MAF: variants seen among roughly 807,000 people sequenced by gnomAD.
MAF encodes transcription factor Maf.
In MAF, 10 loss-of-function variants were observed where a neutral mutation model predicts 22.0. That is an observed-to-expected ratio of 0.45 (90% CI 0.28 to 0.77). The LOEUF is 0.77. Ranked by LOEUF, MAF falls within the 30% of genes least tolerant of loss-of-function variation. The pLI, the probability that MAF is intolerant of heterozygous loss-of-function variation, is 0.12. For synonymous variants in MAF, 337 were observed against 255.8 expected (o/e 1.32, Z -3.03); for missense variants, 544 against 548.4 (o/e 0.99, Z 0.08).
the MAF span, among the ~76,000 whole-genome samples, chr16:79,328,441 C>T: frequency 1.5e-4 from 23 of 152,116 alleles, no homozygotes; most frequent in African/African-American, 4.3e-4. Context: ...CCCACAGGTT[C>T]CTGGGAAACA....
the MAF span, among the ~76,000 whole-genome samples, chr16:79,545,013 G>T: frequency 6.6e-6 from 1 of 152,048 alleles, no homozygotes; most frequent in Admixed American, 6.6e-5. Flanking sequence ...CTTGGGTCAG[G>T]GACCACTGGC....
chr16:79,339,169 A>G, the MAF span, among the ~76,000 whole-genome samples: 3 of 152,028 alleles, frequency 2.0e-5, no homozygotes, highest in African/African-American at 7.2e-5. Flanking sequence ...TCCCGGGTTC[A>G]CGCCATTCTC....
the MAF span, among the ~76,000 whole-genome samples, chr16:79,460,684 T>C: frequency 1.3e-5 from 2 of 152,182 alleles, no homozygotes; most frequent in Non-Finnish European, 2.9e-5. Flanking sequence ...ATCTACAGTT[T>C]AATTGGGGTA....
At chr16:79,495,296 TA>T in the MAF span, among the ~76,000 whole-genome samples, 2 of 151,948 alleles carry the variant, frequency 1.3e-5, no homozygotes, top group Non-Finnish European at 2.9e-5. Context: ...ACCCCATCCC[TA>T]AAAAAACATT....
chr16:79,299,835 A>T, the MAF span, among the ~76,000 whole-genome samples: 1 of 152,088 alleles, frequency 6.6e-6, no homozygotes, highest in Non-Finnish European at 1.5e-5. Context: ...GTTGAATATG[A>T]TTATTTAAAA....
chr16:79,600,427 CG>C lies in MAF; in HGVS notation c.-526del. On this transcript the variant is annotated 5_prime_UTR_variant, in exon 1 of 2. Transcript: ENST00000326043. ...TGTCCGGGCGGCGCGGGCCTTGGCACGGGGGAGTTAACACTTCATGCTTCTC... is the reference window on the plus strand; with the variant it reads ...TGTCCGGGCGGCGCGGGCCTTGGCACGGGGAGTTAACACTTCATGCTTCTC... The C allele has an allele frequency of 1.5e-5, 3 of 196,886 alleles. No homozygotes were observed. 12.2% of individuals were successfully genotyped at this position (196,886 alleles called of 1,614,324 possible).
At chr16:79,509,353 C>A in the MAF span, among the ~76,000 whole-genome samples, 1 of 152,218 alleles carries the variant, frequency 6.6e-6, no homozygotes, top group Non-Finnish European at 1.5e-5. Context: ...AAGGAAGCCA[C>A]AAGAAGCGGG....
chr16:79,264,783 C>T, the MAF span, among the ~76,000 whole-genome samples: 1 of 152,176 alleles, frequency 6.6e-6, no homozygotes, highest in Admixed American at 6.5e-5. Context: ...CTCACCCCAC[C>T]AGTTTCCCAT....
chr16:79,443,623 A>G, the MAF span, among the ~76,000 whole-genome samples: 1 of 152,250 alleles, frequency 6.6e-6, no homozygotes, highest in Non-Finnish European at 1.5e-5. Context: ...AAATCCTAAC[A>G]AAATAATATC....
the MAF span, chr16:79,211,756 A>G: frequency 2.5e-6 from 4 of 1,614,076 alleles, no homozygotes; most frequent in South Asian, 1.1e-5. Context: ...GCGCTCAGCG[A>G]GAGGCTGATC....
At chr16:79,494,509 A>G in the MAF span, among the ~76,000 whole-genome samples, 142 of 152,100 alleles carry the variant, frequency 9.3e-4, no homozygotes, top group Non-Finnish European at 1.6e-3. Flanking sequence ...ACTTTTAAAG[A>G]CTCATGTGAT....
At chr16:79,379,401 G>A in the MAF span, among the ~76,000 whole-genome samples, 2 of 152,158 alleles carry the variant, frequency 1.3e-5, no homozygotes, top group African/African-American at 4.8e-5. Flanking sequence ...GTATGCATGA[G>A]TTGCCAATGT....
At chr16:79,350,509 AG>A in the MAF span, among the ~76,000 whole-genome samples, 1 of 152,136 alleles carries the variant, frequency 6.6e-6, no homozygotes, top group East Asian at 1.9e-4. Context: ...ACCCTTTTCC[AG>A]CCCCCTTTGC....
the MAF span, among the ~76,000 whole-genome samples, chr16:79,369,641 G>T: frequency 1.3e-5 from 2 of 152,194 alleles, no homozygotes; most frequent in African/African-American, 4.8e-5. Context: ...AGCAACTTTG[G>T]GGGAATTGTG....
At chr16:79,361,422 C>A in the MAF span, among the ~76,000 whole-genome samples, 1 of 152,114 alleles carries the variant, frequency 6.6e-6, no homozygotes, top group Admixed American at 6.6e-5. Context: ...CTTATAGGGG[C>A]CTAAGGAGGC....
chr16:79,479,521 G>C, the MAF span, among the ~76,000 whole-genome samples: 1 of 152,214 alleles, frequency 6.6e-6, no homozygotes, highest in Non-Finnish European at 1.5e-5. Flanking sequence ...ATCACTGCAA[G>C]CTTCGATAAC....
At chr16:79,472,278 A>C in the MAF span, among the ~76,000 whole-genome samples, 67 of 152,330 alleles carry the variant, frequency 4.4e-4, no homozygotes, top group African/African-American at 1.5e-3. Flanking sequence ...AATCTACCCA[A>C]GAGAAATGAA....
At chr16:79,498,612 T>TA in the MAF span, among the ~76,000 whole-genome samples, 1 of 152,182 alleles carries the variant, frequency 6.6e-6, no homozygotes, top group African/African-American at 2.4e-5. Flanking sequence ...AGATGGAGGC[T>TA]ATTAGTACGC....
At chr16:79,271,997 A>G in the MAF span, among the ~76,000 whole-genome samples, 1 of 152,156 alleles carries the variant, frequency 6.6e-6, no homozygotes, top group East Asian at 1.9e-4. Context: ...TGGCCTCCAA[A>G]TTCTCCAAAT....
Sources: allele counts gnomAD v4.1 joint callset (sites outside exome capture counted in the v4.1 genomes callset), GRCh38; gene constraint gnomAD v4.1.1; transcripts MANE v1.5; gene names NCBI Gene and HGNC (gene_info 2026-07-23, HGNC 2026-07-21).